Variants in VPS13D observed in about 807,000 individuals in gnomAD.
The protein encoded by VPS13D is intermembrane lipid transfer protein VPS13D.
Under a neutral mutation model 461.9 loss-of-function variants are expected in VPS13D, and 187 were observed. The observed-to-expected ratio is 0.40, with a 90% CI of 0.36 to 0.46. The LOEUF is 0.46. Ranked by LOEUF, VPS13D falls within the 20% of genes least tolerant of loss-of-function variation. The pLI, the probability that VPS13D is intolerant of heterozygous loss-of-function variation, is 0.60. For synonymous variants in VPS13D, 1,951 were observed against 1,986.3 expected (o/e 0.98, Z 0.47); for missense variants, 4,711 against 5,364.9 (o/e 0.88, Z 3.81).
chr1:12,420,898 A>C (rs1644854280), intron 65 of VPS13D, among the ~76,000 whole-genome samples: 1 of 152,330 alleles, frequency 6.6e-6, no homozygotes, highest in Middle Eastern at 3.4e-3. Context: ...TAAGAAGATA[A>C]TAGACCTGTA....
At chr1:12,290,908 C>T (rs1227545090) in intron 22 of VPS13D, 90 bp from the exon 23 acceptor site, 1 of 1,255,426 alleles carries the variant, frequency 8.0e-7, no homozygotes, top group Non-Finnish European at 1.1e-6. Context: ...AAGTCTGAGG[C>T]ATGTGTATAC....
At position 12,362,717 on chromosome 1, in the gene VPS13D, T is replaced by C. The variant is rs1198505617; in HGVS notation, c.10142-3T>C. On this transcript the variant is annotated splice_region_variant and splice_polypyrimidine_tract_variant and intron_variant, in intron 50 of 69. Transcript: ENST00000620676. ...TCATAAAAGTGGTTCTTGTTATTTGTAGGTATTGATGTCAAGAAAGGCCGA... is the reference window on the plus strand; with the variant it reads ...TCATAAAAGTGGTTCTTGTTATTTGCAGGTATTGATGTCAAGAAAGGCCGA... 4.3e-6 allele frequency: 7 copies of C among 1,613,032 alleles called. No homozygotes were observed. The highest frequency in any genetic ancestry group is 1.7e-5 in the Admixed American group (1 of 59,736).
chr1:12,399,460 G>T (rs968453382), intron 60 of VPS13D, among the ~76,000 whole-genome samples: 3 of 152,086 alleles, frequency 2.0e-5, no homozygotes, highest in African/African-American at 4.8e-5. Context: ...CTCCCAAAGT[G>T]CTGGGATTAC....
chr1:12,240,843 A>G (rs888216424), intron 2 of VPS13D, among the ~76,000 whole-genome samples: 4 of 151,096 alleles, frequency 2.6e-5, no homozygotes, highest in African/African-American at 9.7e-5. Context: ...GGCATGGCCC[A>G]TGTGGACAAA....
chr1:12,259,964 G>T (rs1358640642), intron 10 of VPS13D, among the ~76,000 whole-genome samples: 1 of 151,486 alleles, frequency 6.6e-6, no homozygotes, highest in Non-Finnish European at 1.5e-5. Context: ...TGTAAACGGG[G>T]TCAGTGCTGT....
rs528039560 is a variant in VPS13D at position 12,285,692 on chromosome 1, G to A, written c.5634+1956G>A. On this transcript the variant is annotated intron_variant, in intron 21 of 69. Transcript: ENST00000620676. Reference sequence around the variant, plus strand: ...TGGACATACCACAATGCATTGTCACGTCCAACTAACAAGAATTCCTTGGTA... The same window carrying A: ...TGGACATACCACAATGCATTGTCACATCCAACTAACAAGAATTCCTTGGTA... 9.2e-5 allele frequency among the ~76,000 whole-genome samples: 14 copies of A among 152,194 alleles called. No homozygotes were observed. The South Asian group carries it at 1.9e-3, about 20-fold the overall frequency.
intron 54 of VPS13D, among the ~76,000 whole-genome samples, chr1:12,370,263 G>A (rs1644097960): frequency 6.6e-6 from 1 of 152,202 alleles, no homozygotes; most frequent in Non-Finnish European, 1.5e-5. Flanking sequence ...TTGCCACGCA[G>A]AGATTCAAAA....
chr1:12,425,019 T>C (rs1013931769), intron 65 of VPS13D, among the ~76,000 whole-genome samples: 1 of 152,240 alleles, frequency 6.6e-6, no homozygotes, highest in African/African-American at 2.4e-5. Context: ...TGCATCCCTT[T>C]TCTGTGATTC....
At chr1:12,433,969 TGGAGGA>T (rs145294229) in intron 65 of VPS13D, among the ~76,000 whole-genome samples, 2,831 of 146,670 alleles carry the variant, frequency 0.019, 47 homozygotes, top group Middle Eastern at 0.034. Context: ...TGTGTGTGTG[TGGAGGA>T]GGAGGAGGAG....
At chr1:12,488,176 G>A (rs995283239) in intron 67 of VPS13D, among the ~76,000 whole-genome samples, 1 of 152,198 alleles carries the variant, frequency 6.6e-6, no homozygotes, top group Non-Finnish European at 1.5e-5. Context: ...TTTAAATACT[G>A]CACTTTCGCA....
chr1:12,306,348 C>A (rs908133388), intron 26 of VPS13D, among the ~76,000 whole-genome samples: 1 of 152,092 alleles, frequency 6.6e-6, no homozygotes, highest in Non-Finnish European at 1.5e-5. Context: ...ACTCCAGAAC[C>A]GAATTGTAAC....
Position 12,362,854 on chromosome 1 carries a change from A to G in VPS13D, c.10272+4A>G. 6.2e-7 allele frequency: 1 copy of G among 1,613,978 alleles called. No homozygotes were observed. Among genetic ancestry groups the G allele is most frequent in the Non-Finnish European group, 8.5e-7 (1 of 1,179,990 alleles). ...GAGGGAATTTGCCAGGGGACAGGTG[A>G]GCAGTTTGCTTTTGAAGGATGAGAG... On this transcript the variant is annotated splice_donor_region_variant and intron_variant, in intron 51 of 69. Transcript: ENST00000620676.
At chr1:12,393,151 C>T (rs1447170879) in intron 60 of VPS13D, among the ~76,000 whole-genome samples, 1 of 152,208 alleles carries the variant, frequency 6.6e-6, no homozygotes, top group Middle Eastern at 3.2e-3. Context: ...TATTTCCTAT[C>T]CTCTGGCACG....
intron 1 of VPS13D, among the ~76,000 whole-genome samples, chr1:12,233,300 C>T: frequency 6.6e-6 from 1 of 152,208 alleles, no homozygotes; most frequent in Admixed American, 6.5e-5. Context: ...GCCACCACCC[C>T]CGGCCTCTTT....
intron 60 of VPS13D, among the ~76,000 whole-genome samples, chr1:12,391,044 C>CT (rs1389131655): frequency 6.6e-6 from 1 of 152,232 alleles, no homozygotes; most frequent in Admixed American, 6.5e-5. Context: ...TCCCAAATTT[C>CT]TTTGTCACCA....
At chr1:12,376,819 T>G (rs1045617622) in intron 55 of VPS13D, among the ~76,000 whole-genome samples, 8 of 151,926 alleles carry the variant, frequency 5.3e-5, no homozygotes, top group East Asian at 1.9e-4. Context: ...CTAGCTGGAG[T>G]GTAGGTGTGA....
chr1:12,290,998 A>G lies in VPS13D; in HGVS notation c.5726A>G (p.Glu1909Gly), dbSNP rs1241792577. 1 of 1,608,102 alleles carries G rather than the reference A, an allele frequency of 6.2e-7. No individual in the cohort carries two copies. Among genetic ancestry groups the G allele is most frequent in the Non-Finnish European group, 8.5e-7 (1 of 1,178,364 alleles). Residue 1909 changes from glutamate (E) to glycine (G), a missense_variant and splice_region_variant, in exon 23 of 70, where the codon GAG becomes GGG. Transcript: ENST00000620676. ...SKLVAHLEMI[E>G]GDLALQGSIG... ...TGTGTTCTAACTTTATCATCCCTAG[A>G]GGGAGACCTGGCCTTACAGGGCAGC... is the stretch of plus-strand genomic sequence containing the variant.
chr1:12,327,806 G>C lies in VPS13D; in HGVS notation c.8149G>C (p.Asp2717His). ...TGAGAGTGTGTGCATCTGTTTCATC[G>C]ATGACTGCATGGATTGTGATGTTCC... ...KAESVCICFIDDCMDCDVPLA... is the reference protein window; with the variant it reads ...KAESVCICFIHDCMDCDVPLA... The change falls in exon 36 of 70, where the codon GAT (aspartate) becomes CAT (histidine). Residue 2717 changes from aspartate (D) to histidine (H), a missense_variant. Asp to His is a moderately conservative substitution (Grantham distance 81). Transcript: ENST00000620676. 1.9e-6 allele frequency: 3 copies of C among 1,614,058 alleles called. No homozygotes were observed. Among genetic ancestry groups the C allele is most frequent in the Non-Finnish European group, 2.5e-6 (3 of 1,180,006 alleles).
At chr1:12,504,370 C>T (rs1646076535) in intron 68 of VPS13D, among the ~76,000 whole-genome samples, 1 of 152,090 alleles carries the variant, frequency 6.6e-6, no homozygotes. Context: ...TTTGAAAGGA[C>T]TTTAGAACAT....
Sources: allele counts gnomAD v4.1 joint callset (sites outside exome capture counted in the v4.1 genomes callset), GRCh38; gene constraint gnomAD v4.1.1; transcripts MANE v1.5; gene names NCBI Gene and HGNC (gene_info 2026-07-23, HGNC 2026-07-21).